The following OGFOD3 variants were observed in gnomAD, a reference collection of about 807,000 sequenced individuals.
OGFOD3 encodes 2-oxoglutarate and iron-dependent oxygenase domain-containing protein 3.
In OGFOD3, 35 loss-of-function variants were observed where a neutral mutation model predicts 39.8. The observed-to-expected ratio is 0.88, with a 90% CI of 0.67 to 1.17. The LOEUF (loss-of-function observed/expected upper bound fraction) is 1.17, where lower values mean the gene tolerates loss of function less well. Ranked by LOEUF, OGFOD3 falls within the 50% of genes most tolerant of loss-of-function variation. The pLI, the probability that OGFOD3 is intolerant of heterozygous loss-of-function variation, is 0.00. For missense variants in OGFOD3, 438 were observed against 454.5 expected (o/e 0.96, Z 0.33); for synonymous variants, 200 against 192.0 (o/e 1.04, Z -0.34).
intron 2 of OGFOD3, among the ~76,000 whole-genome samples, chr17:82,414,875 G>T (rs1351907395): frequency 6.6e-6 from 1 of 152,152 alleles, no homozygotes; most frequent in South Asian, 2.1e-4. Flanking sequence ...TGGCCGGCCC[G>T]GTCAGACCTG....
chr17:82,398,462 C>T (rs1256647516), intron 7 of OGFOD3, 143 bp from the exon 8 acceptor site: 9 of 963,656 alleles, frequency 9.3e-6, no homozygotes, highest in East Asian at 2.8e-5. Context: ...TGCAGTGATG[C>T]GATCTCGGCT....
In OGFOD3 at chr17:82,392,828, C is replaced by G; in HGVS notation, c.824-294G>C. Reference sequence around the variant, plus strand: ...AGATGAGGCCACCACTGGCTCCAGACACCCCAGGTCATCTGATCTCCCGAG... The same window carrying G: ...AGATGAGGCCACCACTGGCTCCAGAGACCCCAGGTCATCTGATCTCCCGAG... On this transcript the variant is annotated intron_variant, in intron 8 of 8. Transcript: ENST00000313056. This position sits in a 1 kb window ranked among gnomAD's most constrained non-coding sequence, Gnocchi z 4.2. 2.5e-6 allele frequency: 1 copy of G among 402,840 alleles called. No individual in the cohort carries two copies. Among genetic ancestry groups the G allele is most frequent in the Non-Finnish European group, 4.5e-6 (1 of 224,418 alleles). 25.0% of individuals were successfully genotyped at this position (402,840 alleles called of 1,614,324 possible). A position where few individuals can be genotyped will look rare whatever the true frequency, so the allele number is the denominator to read the frequency against.
rs1199249285 is a variant in OGFOD3, at chr17:82,418,546, T to C, written c.-61A>G. On this transcript the variant is annotated 5_prime_UTR_variant, in exon 1 of 9. Transcript: ENST00000313056. The stretch of plus-strand genomic sequence containing the variant: ...GCGCCAGGCCCGGGGACGAACGCCG[T>C]AACAGGGAGCGCGAGGCAGGCACGG... The C allele has an allele frequency of 8.3e-6, 8 of 965,912 alleles. No homozygotes were observed. The Admixed American group carries it at 1.3e-4, about 16-fold the overall frequency. The allele number at this position is 965,912 out of a possible 1,614,324, so 59.8% of individuals were successfully genotyped here.
At chr17:82,394,630 C>G in intron 8 of OGFOD3, 1 of 1,101,612 alleles carries the variant, frequency 9.1e-7, no homozygotes, top group Non-Finnish European at 1.3e-6. Flanking sequence ...AGAGAGAGGC[C>G]TGGCCTTTGC....
At chr17:82,401,812 A>AAAAAAAAAAAAAAAAAAAC (rs2052770024) in intron 7 of OGFOD3, among the ~76,000 whole-genome samples, 1 of 149,346 alleles carries the variant, frequency 6.7e-6, no homozygotes, top group African/African-American at 2.5e-5. Flanking sequence ...TCAAAAAAAA[A>AAAAAAAAAAAAAAAAAAAC]AAAAAAAAAA....
At position 82,404,355 on chromosome 17, in the gene OGFOD3, G is replaced by A. The variant is rs2052819007; in HGVS notation, c.546-265C>T. 6.6e-6 allele frequency among the ~76,000 whole-genome samples: 1 copy of A among 152,220 alleles called. No homozygotes were observed. The highest frequency in any genetic ancestry group is 2.4e-5 in the African/African-American group (1 of 41,454). On this transcript the variant is annotated intron_variant, in intron 6 of 8. Coordinates refer to ENST00000313056, the MANE Select transcript of OGFOD3 (RefSeq NM_024648.3). The surrounding 1 kb of genome is among the most constrained non-coding windows in gnomAD (Gnocchi z 4.5). ...AAGGGGGCCTGCAGGACCAACGCTG[G>A]GGAGGCTGGTGTGGAGTCAGGCCCC...
intron 4 of OGFOD3, among the ~76,000 whole-genome samples, chr17:82,407,262 T>C (rs1490432015): frequency 7.0e-6 from 1 of 141,950 alleles, no homozygotes; most frequent in Non-Finnish European, 1.5e-5. Context: ...CGAAACTCCA[T>C]CTCAAAAAAA....
chr17:82,405,207 C>T, intron 6 of OGFOD3, 117 bp downstream of exon 6: 1 of 842,866 alleles, frequency 1.2e-6, no homozygotes, highest in Non-Finnish European at 1.9e-6. Context: ...CTTCTGCAGG[C>T]CTGGCCCTGG....
At chr17:82,411,348 T>TA (rs1478867307) in intron 3 of OGFOD3, 107 bp downstream of exon 3, 1 of 1,033,922 alleles carries the variant, frequency 9.7e-7, no homozygotes, top group Non-Finnish European at 1.5e-6. Flanking sequence ...CGCCTGGCAA[T>TA]AAAATCCTTA....
intron 7 of OGFOD3, 132 bp downstream of exon 7, chr17:82,403,805 A>G (rs868131947): frequency 9.9e-5 from 121 of 1,220,702 alleles, no homozygotes; most frequent in East Asian, 8.8e-4. Context: ...CCACGTACGC[A>G]CTCACCCTGC....
chr17:82,408,204 A>G (rs1455873751), intron 4 of OGFOD3, among the ~76,000 whole-genome samples: 1 of 152,244 alleles, frequency 6.6e-6, no homozygotes, highest in Non-Finnish European at 1.5e-5. Context: ...TTTGCAGAAA[A>G]AAGTCACACA....
intron 5 of OGFOD3, 59 bp from the exon 6 acceptor site, chr17:82,405,439 C>G: frequency 7.2e-7 from 1 of 1,393,212 alleles, no homozygotes; most frequent in East Asian, 2.3e-5. Context: ...TTGTTCATCT[C>G]CTTTCAGTTC....
At chr17:82,401,675 G>A (rs921279480) in intron 7 of OGFOD3, among the ~76,000 whole-genome samples, 5 of 151,166 alleles carry the variant, frequency 3.3e-5, no homozygotes, top group East Asian at 2.0e-4. Context: ...GCAGTGGCAC[G>A]CACCTGTAAT....
intron 2 of OGFOD3, among the ~76,000 whole-genome samples, chr17:82,412,906 G>C (rs962233241): frequency 6.6e-6 from 1 of 152,136 alleles, no homozygotes; most frequent in Non-Finnish European, 1.5e-5. Context: ...CATCCCTCCC[G>C]GGACCATGGG....
rs771903989 is a variant in OGFOD3 at position 82,406,516 on chromosome 17, C to T, written c.424-34G>A. The T allele has an allele frequency of 4.7e-5, 74 of 1,585,038 alleles. 1 individual carries two copies. Among genetic ancestry groups the T allele is most frequent in the Admixed American group, 1.2e-4 (7 of 59,946 alleles). ...GACGTTGTGGAGTAAAGCGTGCAGC[C>T]GCAGCAATGGCAATGGCTGTTAAAA... On this transcript the variant is annotated intron_variant, in intron 4 of 8. Coordinates refer to ENST00000313056, the MANE Select transcript of OGFOD3 (RefSeq NM_024648.3). The surrounding 1 kb of genome is among the most constrained non-coding windows in gnomAD (Gnocchi z 5.2).
rs1567869985 is a variant in OGFOD3, at chr17:82,403,882, CGGGCACGCTCACCTTGT to C, written c.699+38_699+54del. On this transcript the variant is annotated intron_variant, in intron 7 of 8. Coordinates refer to ENST00000313056, the MANE Select transcript of OGFOD3 (RefSeq NM_024648.3). ...CCCACGTGCGCACTCACCGTGCCCA[CGGGCACGCTCACCTTGT>C]CCACGGGCACGCTCACCCTGCCCAC... The C allele has an allele frequency of 3.2e-4, 488 of 1,546,238 alleles. 2 individuals are homozygous for C. The highest frequency in any genetic ancestry group is 3.9e-4 in the Non-Finnish European group (445 of 1,148,972).
At chr17:82,394,990 C>T (rs1183971640) in intron 8 of OGFOD3, among the ~76,000 whole-genome samples, 1 of 152,228 alleles carries the variant, frequency 6.6e-6, no homozygotes, top group South Asian at 2.1e-4. Context: ...CACTCCTCAA[C>T]CTGCCCCACG....
In OGFOD3 at chr17:82,406,610, T is replaced by C. The variant is rs746784145; in HGVS notation, c.424-128A>G. 2.6e-6 allele frequency: 2 copies of C among 769,176 alleles called. No homozygotes were observed. The highest frequency in any genetic ancestry group is 4.5e-6 in the Non-Finnish European group (2 of 447,370). 47.6% of individuals were successfully genotyped at this position (769,176 alleles called of 1,614,324 possible). On this transcript the variant is annotated intron_variant, in intron 4 of 8. Transcript: ENST00000313056. This position sits in a 1 kb window ranked among gnomAD's most constrained non-coding sequence, Gnocchi z 5.2. ...CACCTCAGGTGTTTTTTTGTTTTTG[T>C]TTTTGTTTTTTGTAAAAAGGATCTT...
chr17:82,390,074 A>G lies in OGFOD3; in HGVS notation c.*2324T>C, dbSNP rs2052583048. 6.6e-6 allele frequency: 1 copy of G among 152,224 alleles called. No individual in the cohort carries two copies. Among genetic ancestry groups the G allele is most frequent in the South Asian group, 2.1e-4 (1 of 4,826 alleles). 9.4% of individuals were successfully genotyped at this position (152,224 alleles called of 1,614,324 possible). On this transcript the variant is annotated 3_prime_UTR_variant, in exon 9 of 9. Coordinates refer to ENST00000313056, the MANE Select transcript of OGFOD3 (RefSeq NM_024648.3). This position sits in a 1 kb window ranked among gnomAD's most constrained non-coding sequence, Gnocchi z 4.9. ...TTGCCCAAATATATTTCTTTGTCCAAGTATCTCTGTGATTATCATGAATAG... is the reference window on the plus strand; with the variant it reads ...TTGCCCAAATATATTTCTTTGTCCAGGTATCTCTGTGATTATCATGAATAG...
Sources: gnomAD v4.1 joint callset for allele counts (sites outside exome capture counted in the v4.1 genomes callset) on GRCh38, gnomAD v4.1.1 for gene constraint, Gnocchi (gnomAD v3.1) non-coding constraint, MANE v1.5 for transcripts, NCBI Gene and HGNC (gene_info 2026-07-23, HGNC 2026-07-21) for gene names.